Variants in ANKIB1 observed in about 807,000 individuals in gnomAD.
ANKIB1 encodes ankyrin repeat and IBR domain containing 1.
Under a neutral mutation model 122.1 loss-of-function variants are expected in ANKIB1, and 43 were observed. The observed-to-expected ratio is 0.35, with a 90% CI of 0.28 to 0.45. The LOEUF (loss-of-function observed/expected upper bound fraction) is 0.45, where lower values mean the gene tolerates loss of function less well. ANKIB1 is among the 20% of genes least tolerant of loss of function. The pLI is 1.00. For missense variants in ANKIB1, 992 were observed against 1,329.5 expected (o/e 0.75, Z 3.95); for synonymous variants, 390 against 442.0 (o/e 0.88, Z 1.48).
chr7:92,343,688 C>T (rs970956219), intron 6 of ANKIB1, among the ~76,000 whole-genome samples: 4 of 152,142 alleles, frequency 2.6e-5, no homozygotes, highest in African/African-American at 9.6e-5. Flanking sequence ...CACATATATA[C>T]ATCATATTGA....
At chr7:92,259,324 A>G (rs1801513052) in intron 1 of ANKIB1, among the ~76,000 whole-genome samples, 1 of 152,196 alleles carries the variant, frequency 6.6e-6, no homozygotes, top group Admixed American at 6.5e-5. Context: ...AAAGTTGTGT[A>G]GTATTTGACT....
At chr7:92,279,407 T>TA (rs1340726790) in intron 1 of ANKIB1, among the ~76,000 whole-genome samples, 1 of 152,238 alleles carries the variant, frequency 6.6e-6, no homozygotes. Context: ...ATTAGCCACT[T>TA]AATCAGAAAT....
rs977935123 is a variant in ANKIB1, at chr7:92,276,655, A to G, written c.-90-18234A>G. 3.2e-4 allele frequency among the ~76,000 whole-genome samples: 49 copies of G among 152,260 alleles called. 1 individual carries two copies. Among genetic ancestry groups the G allele is most frequent in the African/African-American group, 1.1e-3 (47 of 41,476 alleles). On this transcript the variant is annotated intron_variant, in intron 1 of 19. Coordinates refer to ENST00000265742, the MANE Select transcript of ANKIB1 (RefSeq NM_019004.2). ...ATTTCATTGATTATAAAGGTCTATC[A>G]TAGAAAGCCAGGTGGCTTCCGCCTT...
At chr7:92,359,194 T>C (rs1042397396) in intron 9 of ANKIB1, among the ~76,000 whole-genome samples, 1 of 152,166 alleles carries the variant, frequency 6.6e-6, no homozygotes, top group African/African-American at 2.4e-5. Context: ...CTACATTAGG[T>C]ATTTCTTCTA....
intron 5 of ANKIB1, among the ~76,000 whole-genome samples, chr7:92,342,179 C>T (rs904050898): frequency 6.6e-6 from 1 of 151,992 alleles, no homozygotes; most frequent in Non-Finnish European, 1.5e-5. Flanking sequence ...GATCATGGGA[C>T]GAACACAGCC....
rs1804782046 is a variant in ANKIB1 at position 92,391,352 on chromosome 7, G to T, written c.2231+8G>T. 1.3e-6 allele frequency: 2 copies of T among 1,593,746 alleles called. No homozygotes were observed. The highest frequency in any genetic ancestry group is 1.7e-5 in the Admixed American group (1 of 58,446). On this transcript the variant is annotated splice_region_variant and intron_variant, in intron 16 of 19. Coordinates refer to ENST00000265742, the MANE Select transcript of ANKIB1 (RefSeq NM_019004.2). ...AGAAGCTCCAAGGCGCAGGTAAAAA[G>T]GACGTACACTGTGGAAATCATCCTA... is the stretch of plus-strand genomic sequence containing the variant.
chr7:92,375,559 A>G (rs1260596657), intron 11 of ANKIB1, among the ~76,000 whole-genome samples: 1 of 152,236 alleles, frequency 6.6e-6, no homozygotes, highest in African/African-American at 2.4e-5. Flanking sequence ...ATAGCAATTC[A>G]GTCACATCTT....
intron 15 of ANKIB1, among the ~76,000 whole-genome samples, chr7:92,390,741 C>T (rs1027613733): frequency 2.0e-5 from 3 of 152,176 alleles, no homozygotes; most frequent in South Asian, 2.1e-4. Context: ...CAATCACTGT[C>T]GTCTTGCCTT....
At chr7:92,249,853 T>C (rs1468333894) in intron 1 of ANKIB1, among the ~76,000 whole-genome samples, 1 of 152,146 alleles carries the variant, frequency 6.6e-6, no homozygotes, top group Non-Finnish European at 1.5e-5. Flanking sequence ...TTTATCTCCA[T>C]TTAAAGATCT....
Position 92,389,926 on chromosome 7 carries a change from G to A in ANKIB1, c.1907-45G>A, listed in dbSNP as rs1585140362. 14 of 1,541,456 alleles carry A rather than the reference G, an allele frequency of 9.1e-6. No individual in the cohort carries two copies. The East Asian group carries it at 2.9e-4, about 31-fold the overall frequency. On this transcript the variant is annotated intron_variant, in intron 14 of 19. Transcript: ENST00000265742. ...CATTGTTTAATTAATATTATAAATG[G>A]CATATTTGCAAAAACAAATTCACTG...
intron 2 of ANKIB1, among the ~76,000 whole-genome samples, chr7:92,301,337 A>G (rs1283728313): frequency 6.7e-6 from 1 of 150,314 alleles, no homozygotes; most frequent in Non-Finnish European, 1.5e-5. Context: ...CCTTCCTTCC[A>G]CATTTTTGCC....
intron 17 of ANKIB1, among the ~76,000 whole-genome samples, chr7:92,394,342 CT>C (rs973345498): frequency 2.0e-5 from 3 of 152,114 alleles, no homozygotes; most frequent in Non-Finnish European, 2.9e-5. Context: ...TGACTAAACC[CT>C]TTTCATATAC....
rs562470714 is a variant in ANKIB1 at position 92,291,801 on chromosome 7, G to A, written c.-90-3088G>A. Among the ~76,000 whole-genome samples, 14 of 152,010 alleles carry A rather than the reference G, an allele frequency of 9.2e-5. No homozygotes were observed. In the South Asian group the frequency reaches 2.9e-3, roughly 31 times the overall value. On this transcript the variant is annotated intron_variant, in intron 1 of 19. Transcript: ENST00000265742. The stretch of plus-strand genomic sequence containing the variant: ...CTATTTGGCCAGGCTGGTCTTGAAC[G>A]CCTGACCTCATGATCTACCTGCCTC...
chr7:92,367,158 G>C (rs1251519706), intron 10 of ANKIB1, among the ~76,000 whole-genome samples: 1 of 152,182 alleles, frequency 6.6e-6, no homozygotes, highest in African/African-American at 2.4e-5. Context: ...AAGAATGTTT[G>C]AAAACATGAT....
In ANKIB1 at chr7:92,295,064, A is replaced by G; in HGVS notation, c.86A>G (p.Gln29Arg). The G allele has an allele frequency of 6.3e-7, 1 of 1,599,152 alleles. No homozygotes were observed. Among genetic ancestry groups the G allele is most frequent in the Non-Finnish European group, 8.5e-7 (1 of 1,172,480 alleles). Residue 29 changes from glutamine to arginine, a missense_variant, in exon 2 of 20, where the codon CAG (glutamine) becomes CGG (arginine). Around this residue, in one of 4 missense-constraint regions of ANKIB1, gnomAD observed 54 missense variants for 112.3 expected, o/e 0.48. Coordinates refer to ENST00000265742, the MANE Select transcript of ANKIB1 (RefSeq NM_019004.2). ...LACQIYENNP[Q>R]LKESLDPNTS... is the part of the protein sequence containing the mutation. The stretch of plus-strand genomic sequence containing the variant: ...TGCCAAATATATGAAAACAATCCTC[A>G]GCTAAAAGAATCTCTTGATCCAAAT...
intron 19 of ANKIB1, 26 bp from the exon 20 acceptor site, chr7:92,398,186 A>G: frequency 6.5e-7 from 1 of 1,537,376 alleles, no homozygotes; most frequent in South Asian, 1.3e-5. Context: ...CAAATTTTAA[A>G]GTGGTTTTGC....
Position 92,273,330 on chromosome 7 carries a change from A to G in ANKIB1, c.-90-21559A>G, listed in dbSNP as rs184983020. Among the ~76,000 whole-genome samples, 23 of 142,388 alleles carry G rather than the reference A, an allele frequency of 1.6e-4. No homozygotes were observed. In the East Asian group the frequency reaches 2.0e-3, roughly 13 times the overall value. The allele number at this position is 142,388 out of a possible 152,430, so 93.4% of individuals were successfully genotyped here. A position where few individuals can be genotyped will look rare whatever the true frequency, so the allele number is the denominator to read the frequency against. On this transcript the variant is annotated intron_variant, in intron 1 of 19. Coordinates refer to ENST00000265742, the MANE Select transcript of ANKIB1 (RefSeq NM_019004.2). ...AAGGACTGGTTAATTCAGTGATTCA[A>G]TGACATCATAAAGAATTAGGATTCT...
At chr7:92,303,997 A>G (rs571163715) in intron 2 of ANKIB1, among the ~76,000 whole-genome samples, 32 of 152,168 alleles carry the variant, frequency 2.1e-4, no homozygotes, top group African/African-American at 7.7e-4. Flanking sequence ...CCCCAGGTTA[A>G]TGTTTTCCCT....
At chr7:92,383,731 G>A (rs1232003966) in intron 11 of ANKIB1, among the ~76,000 whole-genome samples, 2 of 152,112 alleles carry the variant, frequency 1.3e-5, no homozygotes, top group Non-Finnish European at 1.5e-5. Flanking sequence ...GGTATTGATG[G>A]AACAGATCTC....
Sources: gnomAD v4.1 joint callset for allele counts (sites outside exome capture counted in the v4.1 genomes callset) on GRCh38, gnomAD v4.1.1 for gene constraint, gnomAD v4.1.1 regional missense constraint, MANE v1.5 for transcripts, NCBI Gene and HGNC (gene_info 2026-07-23, HGNC 2026-07-21) for gene names.